CLGN: variants seen among roughly 807,000 people sequenced by gnomAD.
CLGN encodes the protein calmegin.
CLGN carries 62 observed loss-of-function variants against 79.1 expected under a neutral mutation model. That is an observed-to-expected ratio of 0.78 (90% CI 0.64 to 0.97). The LOEUF (loss-of-function observed/expected upper bound fraction) is 0.97, where lower values mean the gene tolerates loss of function less well. Among genes scored for constraint, CLGN ranks in the 50% least tolerant of loss-of-function variants. The pLI, the probability that CLGN is intolerant of heterozygous loss-of-function variation, is 0.00. For missense variants in CLGN, 647 were observed against 715.5 expected (o/e 0.90, Z 1.09); for synonymous variants, 225 against 224.7 (o/e 1.00, Z -0.01).
At chr4:140,404,891 A>C (rs1439438535) in intron 5 of CLGN, among the ~76,000 whole-genome samples, 1 of 151,766 alleles carries the variant, frequency 6.6e-6, no homozygotes, top group Non-Finnish European at 1.5e-5. Flanking sequence ...CCTGGGTTCA[A>C]GCTGTCTGCC....
chr4:140,390,567 T>G, intron 14 of CLGN, 61 bp downstream of exon 14: 1 of 1,140,350 alleles, frequency 8.8e-7, no homozygotes, highest in African/African-American at 1.6e-5. Flanking sequence ...ATTGGTGCTT[T>G]TATTGAAAAA....
intron 10 of CLGN, among the ~76,000 whole-genome samples, chr4:140,394,736 A>G (rs1728836647): frequency 6.6e-6 from 1 of 152,252 alleles, no homozygotes; most frequent in Non-Finnish European, 1.5e-5. Flanking sequence ...AATAAAAACT[A>G]CAGTGAGTAA....
At chr4:140,411,810 G>A (rs560795690) in intron 2 of CLGN, among the ~76,000 whole-genome samples, 20 of 152,000 alleles carry the variant, frequency 1.3e-4, no homozygotes, top group South Asian at 4.2e-4. Context: ...TTGACAAAAC[G>A]GGCAGTGGTG....
At position 140,406,742 on chromosome 4, in the gene CLGN, T is replaced by C. The variant is rs142401948; in HGVS notation, c.278-659A>G. Among the ~76,000 whole-genome samples the C allele has an allele frequency of 2.1e-4, 32 of 152,304 alleles. No individual in the cohort carries two copies. In the East Asian group the frequency reaches 5.8e-3, roughly 28 times the overall value. On this transcript the variant is annotated intron_variant, in intron 4 of 14. Transcript: ENST00000325617. ...ATTTTCCATGTTAAGATCAGGACAT[T>C]CCTGAAATTAGATTATGGGCCACAT...
Position 140,395,860 on chromosome 4 carries a change from C to T in CLGN, c.1108G>A (p.Gly370Arg). Reference sequence around the variant, plus strand: ...TCGACCAGTGGAGGTCTCCATACTCCTTTGTATTTTGGGTTATCTATCATG... The same window carrying T: ...TCGACCAGTGGAGGTCTCCATACTCTTTTGTATTTTGGGTTATCTATCATG... ...PPMIDNPKYK[G>R]VWRPPLVDNP... Residue 370 changes from glycine (G) to arginine (R), a missense_variant, in exon 10 of 15, where the codon GGA becomes AGA. Physicochemically the swap from Gly to Arg is moderately radical, Grantham distance 125. Coordinates refer to ENST00000325617, the MANE Select transcript of CLGN (RefSeq NM_004362.3). 6.3e-7 allele frequency: 1 copy of T among 1,583,754 alleles called. No homozygotes were observed. The highest frequency in any genetic ancestry group is 2.2e-5 in the East Asian group (1 of 44,740).
At chr4:140,403,674 TAA>T (rs1560742563) in intron 5 of CLGN, among the ~76,000 whole-genome samples, 1 of 152,234 alleles carries the variant, frequency 6.6e-6, no homozygotes, top group Non-Finnish European at 1.5e-5. Flanking sequence ...AGTGGCTGCA[TAA>T]ATGTGAACAC....
At chr4:140,410,460 A>G (rs762872772) in intron 3 of CLGN, 93 bp downstream of exon 3, 3 of 801,162 alleles carry the variant, frequency 3.7e-6, no homozygotes, top group South Asian at 1.6e-5. Flanking sequence ...TTTTTTATAG[A>G]TCTGTAGTAG....
intron 1 of CLGN, among the ~76,000 whole-genome samples, chr4:140,421,608 G>T (rs533275013): frequency 6.6e-6 from 1 of 152,164 alleles, no homozygotes; most frequent in East Asian, 1.9e-4. Context: ...ATCTTCAAGG[G>T]AAACATGTCT....
At position 140,389,354 on chromosome 4, in the gene CLGN, G is replaced by T. The variant is rs1560736856; in HGVS notation, c.1753-50C>A. The T allele has an allele frequency of 2.4e-6, 3 of 1,240,220 alleles. No individual in the cohort carries two copies. The Admixed American group carries it at 5.1e-5, about 21-fold the overall frequency. The allele number at this position is 1,240,220 out of a possible 1,614,324, so 76.8% of individuals were successfully genotyped here. On this transcript the variant is annotated intron_variant, in intron 14 of 14. Transcript: ENST00000325617. The stretch of plus-strand genomic sequence containing the variant: ...TTTCTTTTAGTATAACACATAACTA[G>T]TAGATAGTAGTAAACAATATATTTA...
chr4:140,396,878 T>TATATAC (rs1728891687), intron 8 of CLGN, among the ~76,000 whole-genome samples: 1 of 65,320 alleles, frequency 1.5e-5, no homozygotes, highest in African/African-American at 6.7e-5. Flanking sequence ...TATATACATA[T>TATATAC]ATATATATAT....
intron 3 of CLGN, 47 bp downstream of exon 3, chr4:140,410,506 A>T: frequency 2.9e-6 from 4 of 1,372,704 alleles, no homozygotes; most frequent in Non-Finnish European, 4.1e-6. Flanking sequence ...AATAACTTCA[A>T]AAAAGCTAAT....
intron 1 of CLGN, among the ~76,000 whole-genome samples, chr4:140,418,510 AAAAC>A (rs1578608276): frequency 6.8e-6 from 1 of 146,866 alleles, no homozygotes; most frequent in South Asian, 2.2e-4. Context: ...TTACAAGAAA[AAAAC>A]AAACAACCCC....
At chr4:140,411,001 CTT>C (rs1159157607) in intron 2 of CLGN, among the ~76,000 whole-genome samples, 5 of 151,968 alleles carry the variant, frequency 3.3e-5, no homozygotes, top group Non-Finnish European at 7.4e-5. Flanking sequence ...AAAATTAACT[CTT>C]AAGTTTTACT....
intron 6 of CLGN, among the ~76,000 whole-genome samples, chr4:140,401,295 G>A (rs540370757): frequency 2.6e-5 from 4 of 152,182 alleles, no homozygotes; most frequent in Non-Finnish European, 4.4e-5. Context: ...TAAAACAAGA[G>A]CTTCAACATA....
chr4:140,406,817 ACTTTACTC>A (rs1729117322), intron 4 of CLGN, among the ~76,000 whole-genome samples: 1 of 152,216 alleles, frequency 6.6e-6, no homozygotes, highest in Non-Finnish European at 1.5e-5. Context: ...TATATGTTAG[ACTTTACTC>A]CTTTACTGGT....
At chr4:140,407,430 A>G (rs532464889) in intron 4 of CLGN, among the ~76,000 whole-genome samples, 2 of 152,100 alleles carry the variant, frequency 1.3e-5, no homozygotes, top group African/African-American at 2.4e-5. Context: ...TAGAAAACCC[A>G]AAAGACTCAT....
At chr4:140,390,879 A>G (rs899503289) in intron 13 of CLGN, 151 bp from the exon 14 acceptor site, 2 of 404,876 alleles carry the variant, frequency 4.9e-6, no homozygotes, top group Non-Finnish European at 8.6e-6. Flanking sequence ...TTTAAAAATT[A>G]TAAATACTCA....
chr4:140,417,663 C>T (rs1451263995), intron 1 of CLGN, among the ~76,000 whole-genome samples: 6 of 151,980 alleles, frequency 3.9e-5, no homozygotes, highest in Non-Finnish European at 8.8e-5. Context: ...AGGACCTCTT[C>T]AAGGAGAACT....
intron 1 of CLGN, among the ~76,000 whole-genome samples, chr4:140,425,429 G>GGTGTGTGTGTGTGTGT (rs754897067): frequency 1.9e-4 from 22 of 116,950 alleles, no homozygotes; most frequent in African/African-American, 4.7e-4. Flanking sequence ...GAATCAATAG[G>GGTGTGTGTGTGTGTGT]GTGTGTGTGT....
Sources: gnomAD v4.1 joint callset for allele counts (sites outside exome capture counted in the v4.1 genomes callset) on GRCh38, gnomAD v4.1.1 for gene constraint, MANE v1.5 for transcripts, NCBI Gene and HGNC (gene_info 2026-07-23, HGNC 2026-07-21) for gene names.